The following ATP8B4 variants were observed in gnomAD, a reference collection of about 807,000 sequenced individuals.
ATP8B4 encodes probable phospholipid-transporting ATPase IM.
Under a neutral mutation model 145.6 loss-of-function variants are expected in ATP8B4, and 133 were observed. The observed-to-expected ratio is 0.91, with a 90% confidence interval of 0.79 to 1.05. The LOEUF is 1.05. ATP8B4 is among the 50% of genes least tolerant of loss of function. The pLI is 0.00. For synonymous variants in ATP8B4, 507 were observed against 492.9 expected, an observed-to-expected ratio of 1.03 and a Z score of -0.38; for missense variants, 1,458 against 1,425.2, an observed-to-expected ratio of 1.02 and a Z score of -0.37.
chr15:50,018,215 T>C (rs924443496), intron 6 of ATP8B4, among the ~76,000 whole-genome samples: 1 of 152,190 alleles, frequency 6.6e-6, no homozygotes, highest in African/African-American at 2.4e-5. Context: ...CTTGAACTCC[T>C]GGCCTCAAGT....
At chr15:50,033,711 C>G (rs2050620248) in intron 6 of ATP8B4, among the ~76,000 whole-genome samples, 1 of 152,108 alleles carries the variant, frequency 6.6e-6, no homozygotes, top group South Asian at 2.1e-4. Context: ...CTGTCCTGCT[C>G]CCCTTCTCCT....
intron 6 of ATP8B4, among the ~76,000 whole-genome samples, chr15:50,029,189 C>T (rs765231611): frequency 2.8e-5 from 4 of 143,246 alleles, no homozygotes; most frequent in Non-Finnish European, 6.0e-5. Flanking sequence ...GCTGAGATCA[C>T]GCCACACGCC....
intron 23 of ATP8B4, among the ~76,000 whole-genome samples, chr15:49,891,567 C>G (rs1325529452): frequency 6.6e-6 from 1 of 152,204 alleles, no homozygotes; most frequent in East Asian, 1.9e-4. Context: ...CTCAAGCGAT[C>G]TGCCCACCTT....
chr15:50,169,805 A>G (rs557533479), intron 1 of ATP8B4, among the ~76,000 whole-genome samples: 2 of 152,330 alleles, frequency 1.3e-5, no homozygotes, highest in South Asian at 4.1e-4. Context: ...AGGGAGAATT[A>G]TTTATAGAAA....
chr15:49,991,433 G>A (rs1018124612), intron 9 of ATP8B4, among the ~76,000 whole-genome samples: 14 of 152,104 alleles, frequency 9.2e-5, no homozygotes, highest in Non-Finnish European at 5.9e-5. Flanking sequence ...ATTTACATCC[G>A]GGGTTTTCCC....
Position 50,164,222 on chromosome 15 carries a change from C to G in ATP8B4, c.-43+18039G>C, listed in dbSNP as rs1231479843. Among the ~76,000 whole-genome samples, 3 of 152,270 alleles carry G rather than the reference C, an allele frequency of 2.0e-5. No individual in the cohort carries two copies. In the East Asian group the frequency reaches 5.8e-4, roughly 29 times the overall value. On this transcript the variant is annotated intron_variant, in intron 1 of 3. Coordinates refer to the ATP8B4 transcript ENST00000558829. ...AATGAGTCTCTCTCTGTAGCCACCA[C>G]AGGGGAATGTGTTGGGTTACACCTG... is the stretch of plus-strand genomic sequence containing the variant.
At position 49,933,734 on chromosome 15, in the gene ATP8B4, T is replaced by A. The variant is rs529699511; in HGVS notation, c.1453+283A>T. On this transcript the variant is annotated intron_variant, in intron 15 of 27. Transcript: ENST00000284509. Reference sequence around the variant, plus strand: ...TCAATTGTAAGAACGATGTCATCCCTTGACTAGCATATTTGGGTCCTCACT... The same window carrying A: ...TCAATTGTAAGAACGATGTCATCCCATGACTAGCATATTTGGGTCCTCACT... Among the ~76,000 whole-genome samples, 10 of 152,240 alleles carry A rather than the reference T, an allele frequency of 6.6e-5. No individual in the cohort carries two copies. In the East Asian group the frequency reaches 1.9e-3, roughly 29 times the overall value.
chr15:49,875,307 G>A (rs562864696), intron 25 of ATP8B4, among the ~76,000 whole-genome samples: 2 of 152,208 alleles, frequency 1.3e-5, no homozygotes, highest in African/African-American at 4.8e-5. Context: ...TTGGAGTACC[G>A]AGGAACAGGT....
At chr15:50,038,294 A>G in intron 6 of ATP8B4, among the ~76,000 whole-genome samples, 1 of 152,222 alleles carries the variant, frequency 6.6e-6, no homozygotes, top group East Asian at 1.9e-4. Context: ...TATAAAAGCA[A>G]TGAAAAAATT....
At chr15:50,137,688 C>T (rs2044141154) in intron 1 of ATP8B4, among the ~76,000 whole-genome samples, 1 of 152,232 alleles carries the variant, frequency 6.6e-6, no homozygotes, top group African/African-American at 2.4e-5. Flanking sequence ...TCTGATGTTT[C>T]TGCCTCCTTA....
intron 6 of ATP8B4, among the ~76,000 whole-genome samples, chr15:50,036,096 T>G (rs2050815736): frequency 6.6e-6 from 1 of 152,240 alleles, no homozygotes; most frequent in Non-Finnish European, 1.5e-5. Flanking sequence ...GGCTTAATCA[T>G]GCATTAACTA....
At chr15:50,026,135 C>G (rs1435476107) in intron 6 of ATP8B4, among the ~76,000 whole-genome samples, 1 of 152,232 alleles carries the variant, frequency 6.6e-6, no homozygotes, top group Non-Finnish European at 1.5e-5. Context: ...ATCTCTACTA[C>G]TATTACTATC....
At chr15:49,886,312 G>T (rs1004678733) in intron 23 of ATP8B4, among the ~76,000 whole-genome samples, 5 of 152,048 alleles carry the variant, frequency 3.3e-5, no homozygotes. Context: ...ATTACAGGGA[G>T]GCTGTGAGCA....
intron 3 of ATP8B4, among the ~76,000 whole-genome samples, chr15:50,069,741 G>A (rs1276131397): frequency 6.6e-6 from 1 of 152,152 alleles, no homozygotes; most frequent in Non-Finnish European, 1.5e-5. Context: ...ATGCTCAAAA[G>A]AGCCACATGA....
At chr15:49,911,036 C>T (rs1433771271) in intron 20 of ATP8B4, among the ~76,000 whole-genome samples, 1 of 151,970 alleles carries the variant, frequency 6.6e-6, no homozygotes, top group Non-Finnish European at 1.5e-5. Context: ...AAGAAAACTA[C>T]TGACACAAAA....
chr15:50,089,700 G>A (rs931319712), intron 2 of ATP8B4, among the ~76,000 whole-genome samples: 2 of 151,118 alleles, frequency 1.3e-5, no homozygotes, highest in East Asian at 3.9e-4. Context: ...GTCTCACTCT[G>A]TCTCCCAGGC....
At chr15:49,995,024 C>G (rs904029489) in intron 9 of ATP8B4, among the ~76,000 whole-genome samples, 4 of 152,108 alleles carry the variant, frequency 2.6e-5, no homozygotes, top group Non-Finnish European at 5.9e-5. Context: ...ACCCAACCCA[C>G]TAAGAATGTG....
At chr15:49,928,823 T>C (rs548184043) in intron 16 of ATP8B4, among the ~76,000 whole-genome samples, 1 of 152,102 alleles carries the variant, frequency 6.6e-6, no homozygotes, top group Non-Finnish European at 1.5e-5. Context: ...TAGAATATTC[T>C]AGAGATGTTA....
intron 3 of ATP8B4, among the ~76,000 whole-genome samples, chr15:50,069,934 A>G (rs1258466584): frequency 6.6e-6 from 1 of 152,234 alleles, no homozygotes; most frequent in African/African-American, 2.4e-5. Flanking sequence ...TTCAAGCTGT[A>G]TGGATATGAG....
Sources: gnomAD v4.1 joint callset for allele counts (sites outside exome capture counted in the v4.1 genomes callset) on GRCh38, gnomAD v4.1.1 for gene constraint, MANE v1.5 for transcripts, NCBI Gene and HGNC (gene_info 2026-07-23, HGNC 2026-07-21) for gene names.